Variants in AFG1L observed in about 807,000 individuals in gnomAD.
AFG1L encodes AFG1-like ATPase.
A neutral mutation model predicts 62.2 loss-of-function variants in AFG1L; 53 were observed. The observed-to-expected ratio is 0.85, with a 90% CI of 0.68 to 1.07. The LOEUF is 1.07. Among genes scored for constraint, AFG1L ranks in the 50% least tolerant of loss-of-function variants. AFG1L has a pLI of 0.00. For missense variants in AFG1L, 555 were observed against 590.5 expected (o/e 0.94, Z 0.62); for synonymous variants, 228 against 210.3 (o/e 1.08, Z -0.73).
intron 7 of AFG1L, among the ~76,000 whole-genome samples, chr6:108,403,270 A>T (rs1562137271): frequency 1.3e-5 from 2 of 152,322 alleles, no homozygotes; most frequent in Non-Finnish European, 2.9e-5. Flanking sequence ...TGAAGAAAGG[A>T]TAAAGAATTT....
chr6:108,494,065 G>T (rs567612732), intron 10 of AFG1L, among the ~76,000 whole-genome samples: 3 of 152,046 alleles, frequency 2.0e-5, no homozygotes, highest in East Asian at 1.9e-4. Flanking sequence ...CAAGCAATCC[G>T]CCCGTCTCGG....
chr6:108,363,282 G>A (rs1445286334), intron 5 of AFG1L, among the ~76,000 whole-genome samples: 3 of 151,972 alleles, frequency 2.0e-5, no homozygotes, highest in Non-Finnish European at 4.4e-5. Flanking sequence ...AGGTAAACAT[G>A]TGTCACAAGA....
At chr6:108,346,886 G>A (rs1562098496) in intron 2 of AFG1L, 102 bp from the exon 3 acceptor site, 1 of 810,206 alleles carries the variant, frequency 1.2e-6, no homozygotes, top group Non-Finnish European at 2.1e-6. Flanking sequence ...GTATATAATA[G>A]CCCCTCTTGG....
intron 2 of AFG1L, among the ~76,000 whole-genome samples, chr6:108,342,821 T>C (rs1345592044): frequency 6.6e-6 from 1 of 152,140 alleles, no homozygotes; most frequent in African/African-American, 2.4e-5. Context: ...TTTACTTATA[T>C]TAAAATCCCC....
chr6:108,391,521 G>A (rs186041008), intron 6 of AFG1L, among the ~76,000 whole-genome samples: 39 of 152,140 alleles, frequency 2.6e-4, no homozygotes, highest in African/African-American at 8.9e-4. Context: ...TGTAGATTCT[G>A]GATATCAGTC....
intron 1 of AFG1L, among the ~76,000 whole-genome samples, chr6:108,309,814 A>C (rs1282275763): frequency 3.3e-5 from 5 of 152,174 alleles, no homozygotes; most frequent in Non-Finnish European, 7.3e-5. Context: ...ATAATTAAAA[A>C]ATTTTTATTA....
At chr6:108,389,639 C>T (rs1353458718) in intron 6 of AFG1L, among the ~76,000 whole-genome samples, 1 of 152,094 alleles carries the variant, frequency 6.6e-6, no homozygotes. Context: ...ACTTATGAAG[C>T]TTAGTTTGGC....
chr6:108,354,905 G>A (rs906838938), intron 3 of AFG1L, among the ~76,000 whole-genome samples: 3 of 152,158 alleles, frequency 2.0e-5, no homozygotes, highest in Non-Finnish European at 1.5e-5. Context: ...GTTTTAGAGT[G>A]TTGAAAATTA....
At chr6:108,333,505 G>T (rs1262160688) in intron 2 of AFG1L, among the ~76,000 whole-genome samples, 2 of 152,132 alleles carry the variant, frequency 1.3e-5, no homozygotes, top group Non-Finnish European at 2.9e-5. Context: ...CACTATGAGA[G>T]GCTGAGGGTT....
At chr6:108,479,455 A>G (rs1773249482) in intron 10 of AFG1L, among the ~76,000 whole-genome samples, 1 of 152,204 alleles carries the variant, frequency 6.6e-6, no homozygotes, top group South Asian at 2.1e-4. Context: ...CAAGCACTGA[A>G]TGACCTGCAA....
chr6:108,365,699 C>T (rs1227999961), intron 5 of AFG1L, among the ~76,000 whole-genome samples: 3 of 151,934 alleles, frequency 2.0e-5, no homozygotes, highest in African/African-American at 7.3e-5. Flanking sequence ...TATGTCATAT[C>T]ATTCTATTTT....
intron 2 of AFG1L, among the ~76,000 whole-genome samples, chr6:108,327,040 A>T (rs1778073162): frequency 6.6e-6 from 1 of 152,208 alleles, no homozygotes; most frequent in Non-Finnish European, 1.5e-5. Flanking sequence ...TGAAGCCAGA[A>T]GTTTGAGATC....
At position 108,331,701 on chromosome 6, in the gene AFG1L, G is replaced by A. The variant is rs566929921; in HGVS notation, c.363+7653G>A. 4.6e-5 allele frequency among the ~76,000 whole-genome samples: 7 copies of A among 152,312 alleles called. No individual in the cohort carries two copies. In the South Asian group the frequency reaches 1.5e-3, roughly 32 times the overall value. ...GGTAATTAGGCATAAATGGTAAGTA[G>A]TTCATGTAAATCACTATAATTAGAA... On this transcript the variant is annotated intron_variant, in intron 2 of 12. Transcript: ENST00000368977.
chr6:108,467,586 A>G (rs2114793166), intron 8 of AFG1L, among the ~76,000 whole-genome samples: 1 of 152,246 alleles, frequency 6.6e-6, no homozygotes, highest in Middle Eastern at 3.4e-3. Flanking sequence ...ATTTTGTGTT[A>G]ATGGTCTTAT....
chr6:108,465,267 T>C (rs1002110668), intron 8 of AFG1L, among the ~76,000 whole-genome samples: 1 of 152,218 alleles, frequency 6.6e-6, no homozygotes, highest in African/African-American at 2.4e-5. Context: ...TCATGTTAAA[T>C]TTAGTGCCGT....
At chr6:108,325,890 C>T (rs1217831422) in intron 2 of AFG1L, among the ~76,000 whole-genome samples, 1 of 152,146 alleles carries the variant, frequency 6.6e-6, no homozygotes, top group Non-Finnish European at 1.5e-5. Context: ...TCAAACGATT[C>T]TCCTGCCTCC....
chr6:108,409,330 A>C (rs932880341), intron 7 of AFG1L, among the ~76,000 whole-genome samples: 1 of 152,218 alleles, frequency 6.6e-6, no homozygotes, highest in African/African-American at 2.4e-5. Context: ...AGCAGACCTG[A>C]CTAGGAGAAC....
At chr6:108,302,690 T>G (rs1177953216) in intron 1 of AFG1L, among the ~76,000 whole-genome samples, 2 of 152,168 alleles carry the variant, frequency 1.3e-5, no homozygotes, top group African/African-American at 4.8e-5. Flanking sequence ...CAAGTTTGAT[T>G]CCTTAAAGGA....
intron 7 of AFG1L, among the ~76,000 whole-genome samples, chr6:108,403,074 A>G (rs370517530): frequency 3.8e-4 from 58 of 152,270 alleles, no homozygotes; most frequent in African/African-American, 1.4e-3. Flanking sequence ...ACTATGTACA[A>G]TGTGTTGCAT....
Sources: allele counts gnomAD v4.1 joint callset (sites outside exome capture counted in the v4.1 genomes callset), GRCh38; gene constraint gnomAD v4.1.1; transcripts MANE v1.5; gene names NCBI Gene and HGNC (gene_info 2026-07-23, HGNC 2026-07-21).